Variants in HECTD4 observed in about 807,000 individuals in gnomAD.
The protein encoded by HECTD4 is HECT domain E3 ubiquitin protein ligase 4.
In HECTD4, 114 loss-of-function variants were observed where a neutral mutation model predicts 471.5. That is an observed-to-expected ratio of 0.24 (90% CI 0.21 to 0.28). The LOEUF (loss-of-function observed/expected upper bound fraction) is 0.28, where lower values mean the gene tolerates loss of function less well. HECTD4 is among the 10% of genes least tolerant of loss of function. HECTD4 has a pLI of 1.00. For missense variants in HECTD4, 3,866 were observed against 5,651.5 expected (o/e 0.68, Z 10.13); for synonymous variants, 2,012 against 2,256.0 (o/e 0.89, Z 3.07).
chr12:112,289,305 G>A (rs1566100168), intron 7 of HECTD4, among the ~76,000 whole-genome samples: 1 of 152,122 alleles, frequency 6.6e-6, no homozygotes, highest in Admixed American at 6.5e-5. Flanking sequence ...GTCTCACTAT[G>A]TTGCCCAGGC....
At chr12:112,205,022 A>T (rs886405738) in intron 52 of HECTD4, among the ~76,000 whole-genome samples, 4 of 150,814 alleles carry the variant, frequency 2.7e-5, no homozygotes, top group African/African-American at 9.8e-5. Flanking sequence ...AAACCCAGCT[A>T]CTCGGGAGGT....
Position 112,228,856 on chromosome 12 carries a change from T to G in HECTD4, c.6520-45A>C. 1 of 1,561,410 alleles carries G rather than the reference T, an allele frequency of 6.4e-7. No individual in the cohort carries two copies. The highest frequency in any genetic ancestry group is 8.7e-7 in the Non-Finnish European group (1 of 1,149,314). ...AGCACTACCAACCAGCTCTGACGTGTGGGCAGCTGTCTTACGAGACAAGAG... is the reference window on the plus strand; with the variant it reads ...AGCACTACCAACCAGCTCTGACGTGGGGGCAGCTGTCTTACGAGACAAGAG... On this transcript the variant is annotated intron_variant, in intron 41 of 75. Coordinates refer to ENST00000682272, the MANE Select transcript of HECTD4 (RefSeq NM_001388303.1). The surrounding 1 kb of genome is among the most constrained non-coding windows in gnomAD (Gnocchi z 4.9).
intron 49 of HECTD4, among the ~76,000 whole-genome samples, chr12:112,211,788 A>T (rs2032768805): frequency 1.3e-5 from 2 of 152,176 alleles, no homozygotes; most frequent in South Asian, 4.1e-4. Flanking sequence ...ACAAGCATGG[A>T]GCTGCCATTT....
At chr12:112,250,828 T>C in intron 24 of HECTD4, 143 bp downstream of exon 24, 1 of 776,666 alleles carries the variant, frequency 1.3e-6, no homozygotes, top group Non-Finnish European at 2.0e-6. Flanking sequence ...AATTTTCATC[T>C]TATTTTTCTT....
intron 45 of HECTD4, among the ~76,000 whole-genome samples, chr12:112,218,650 T>C (rs1341477338): frequency 1.3e-5 from 2 of 152,228 alleles, no homozygotes; most frequent in Non-Finnish European, 2.9e-5. Context: ...TATTCATCAG[T>C]TGATGTATAT....
chr12:112,247,968 T>C, intron 27 of HECTD4, 99 bp downstream of exon 27: 1 of 755,540 alleles, frequency 1.3e-6, no homozygotes, highest in Non-Finnish European at 2.0e-6. Flanking sequence ...GAAATGACAT[T>C]ATTTTACCTA....
Position 112,228,223 on chromosome 12 carries a change from C to T in HECTD4, c.6720G>A (p.Lys2240=). Residue 2240 remains lysine (K), a synonymous_variant, in exon 43 of 76, where the codon AAG becomes AAA. Coordinates refer to ENST00000682272, the MANE Select transcript of HECTD4 (RefSeq NM_001388303.1). The surrounding 1 kb of genome is among the most constrained non-coding windows in gnomAD (Gnocchi z 4.9). ...LPLHKLSITE[K]VVQAVQSMLL... The stretch of plus-strand genomic sequence containing the variant: ...ACATGGACTGGACTGCCTGTACTAC[C>T]TTCTCAGTAATGGACAGTTTATGAA... The T allele has an allele frequency of 1.2e-6, 2 of 1,612,642 alleles. No individual in the cohort carries two copies. The highest frequency in any genetic ancestry group is 1.3e-5 in the African/African-American group (1 of 74,958).
chr12:112,279,509 T>A, intron 8 of HECTD4, 123 bp from the exon 9 acceptor site: 1 of 810,912 alleles, frequency 1.2e-6, no homozygotes, highest in Non-Finnish European at 1.9e-6. Flanking sequence ...AAAACAGATT[T>A]CCAGATTAGG....
chr12:112,317,409 G>GA (rs1218725102), intron 2 of HECTD4, among the ~76,000 whole-genome samples: 2 of 152,130 alleles, frequency 1.3e-5, no homozygotes, highest in Non-Finnish European at 2.9e-5. Context: ...ACTATACAGA[G>GA]AAAAACAGGG....
intron 1 of HECTD4, among the ~76,000 whole-genome samples, chr12:112,359,119 T>G (rs902801770): frequency 6.0e-5 from 9 of 151,000 alleles, no homozygotes; most frequent in South Asian, 2.1e-4. Flanking sequence ...GAGGCTGCAA[T>G]GAGTCGAGAT....
chr12:112,261,282 A>T, intron 18 of HECTD4, 23 bp downstream of exon 18: 1 of 1,537,774 alleles, frequency 6.5e-7, no homozygotes, highest in Non-Finnish European at 8.8e-7. Flanking sequence ...GCAGCTGGTC[A>T]CAGCCCACAA....
At chr12:112,324,019 TTCCTTCCTTCCTTCCTTC>T in intron 1 of HECTD4, among the ~76,000 whole-genome samples, 1 of 49,202 alleles carries the variant, frequency 2.0e-5, no homozygotes, top group Non-Finnish European at 3.1e-5. Flanking sequence ...CCTTCCTTCC[TTCCTTCCTTCCTTCCTTC>T]CTTCCTTCCT....
Position 112,382,358 on chromosome 12 carries a change from G to A in HECTD4, c.-230C>T, listed in dbSNP as rs1421735463. ...CGCCGCCGCCGCCGCCGCCGCCGCC[G>A]CCCTCAGGAGCAGGATCCGCCTCTG... On this transcript the variant is annotated 5_prime_UTR_variant, in exon 1 of 76. Transcript: ENST00000682272. 7 of 380,890 alleles carry A rather than the reference G, an allele frequency of 1.8e-5. No homozygotes were observed. Among genetic ancestry groups the A allele is most frequent in the South Asian group, 4.5e-5 (1 of 22,040 alleles). The allele number at this position is 380,890 out of a possible 1,614,324, so 23.6% of individuals were successfully genotyped here.
chr12:112,354,701 CACACACACACACACGCACGCACAA>C (rs2036302486), intron 1 of HECTD4, among the ~76,000 whole-genome samples: 1 of 151,290 alleles, frequency 6.6e-6, no homozygotes, highest in African/African-American at 2.4e-5. Flanking sequence ...AAAACAACAA[CACACACACACACACGCACGCACAA>C]ACACACATAC....
At chr12:112,172,915 G>A in intron 66 of HECTD4, 54 bp from the exon 67 acceptor site, 1 of 1,467,242 alleles carries the variant, frequency 6.8e-7, no homozygotes, top group Non-Finnish European at 9.5e-7. Flanking sequence ...ACACCGGGAT[G>A]ACTGTTGCAT....
In HECTD4 at chr12:112,172,672, CAGG is replaced by C; in HGVS notation, c.11781_11783del (p.Leu3928del). The C allele has an allele frequency of 6.2e-7, 1 of 1,613,790 alleles. No homozygotes were observed. On this transcript the variant is annotated inframe_deletion and splice_region_variant, in exon 67 of 76. Coordinates refer to ENST00000682272, the MANE Select transcript of HECTD4 (RefSeq NM_001388303.1). The stretch of plus-strand genomic sequence containing the variant: ...GGGGATAGGCCCAGGGCCACATACT[CAGG>C]AGACAGGCCACTCTGGGGTCAGCAG...
At chr12:112,236,689 T>C (rs1306401857) in intron 35 of HECTD4, among the ~76,000 whole-genome samples, 1 of 152,242 alleles carries the variant, frequency 6.6e-6, no homozygotes, top group African/African-American at 2.4e-5. Context: ...GGTTAGCAGC[T>C]GCTGTCAGTA....
At chr12:112,253,094 G>A (rs548903555) in intron 22 of HECTD4, among the ~76,000 whole-genome samples, 19 of 151,780 alleles carry the variant, frequency 1.3e-4, no homozygotes, top group Non-Finnish European at 2.4e-4. Context: ...GATTACAGGC[G>A]TGAGCCACCT....
chr12:112,259,526 T>C (rs1397942805), intron 18 of HECTD4, among the ~76,000 whole-genome samples: 1 of 149,142 alleles, frequency 6.7e-6, no homozygotes, highest in East Asian at 2.0e-4. Flanking sequence ...CCTTTTTTTT[T>C]TTTTTTTTTT....
Sources: gnomAD v4.1 joint callset for allele counts (sites outside exome capture counted in the v4.1 genomes callset) on GRCh38, gnomAD v4.1.1 for gene constraint, Gnocchi (gnomAD v3.1) non-coding constraint, MANE v1.5 for transcripts, NCBI Gene and HGNC (gene_info 2026-07-23, HGNC 2026-07-21) for gene names.